The following NLGN1 variants were observed in gnomAD, a reference collection of about 807,000 sequenced individuals.
NLGN1 encodes neuroligin 1.
Under a neutral mutation model 65.5 loss-of-function variants are expected in NLGN1, and 12 were observed. The ratio of observed to expected loss-of-function variants is 0.18; its 90% CI spans 0.12 to 0.30. The LOEUF (loss-of-function observed/expected upper bound fraction) is 0.30. Among genes scored for constraint, NLGN1 ranks in the 10% least tolerant of loss-of-function variants. The probability of loss-of-function intolerance (pLI) is 1.00; values close to 1 mark genes in which losing one functional copy is unlikely to be tolerated. For synonymous variants in NLGN1, 350 were observed against 359.5 expected (o/e 0.97, Z 0.30); for missense variants, 750 against 1,007.1 (o/e 0.74, Z 3.46).
intron 4 of NLGN1, among the ~76,000 whole-genome samples, chr3:174,047,843 CAA>C (rs1733965481): frequency 1.3e-5 from 2 of 149,840 alleles, no homozygotes; most frequent in South Asian, 4.2e-4. Flanking sequence ...ATTTTTAAGA[CAA>C]AGTTAATGGA....
At chr3:173,878,686 G>GTA (rs1732642577) in intron 4 of NLGN1, among the ~76,000 whole-genome samples, 1 of 150,054 alleles carries the variant, frequency 6.7e-6, no homozygotes, top group South Asian at 2.1e-4. Flanking sequence ...ATAAGTGTGT[G>GTA]TATATATATA....
intron 3 of NLGN1, among the ~76,000 whole-genome samples, chr3:173,712,218 A>C (rs1769105031): frequency 6.6e-6 from 1 of 152,106 alleles, no homozygotes; most frequent in African/African-American, 2.4e-5. Context: ...TGTAATTATT[A>C]CACTAACTCA....
At chr3:173,431,120 A>C (rs1246723806) in intron 1 of NLGN1, among the ~76,000 whole-genome samples, 3 of 152,110 alleles carry the variant, frequency 2.0e-5, no homozygotes, top group Non-Finnish European at 4.4e-5. Flanking sequence ...TTCATGCTAA[A>C]ACTTTCCCTA....
chr3:174,110,429 G>C (rs914783701), intron 4 of NLGN1, among the ~76,000 whole-genome samples: 8 of 151,842 alleles, frequency 5.3e-5, no homozygotes, highest in Non-Finnish European at 1.0e-4. Context: ...TTTTTGCCTG[G>C]ATCCGACATC....
intron 2 of NLGN1, chr3:173,584,947 A>G (rs1452849410): frequency 6.6e-6 from 1 of 152,104 alleles, no homozygotes; most frequent in African/African-American, 2.4e-5. Flanking sequence ...TTTGACGGCG[A>G]AGTGTTGTAG....
At chr3:173,841,983 A>G (rs1724864212) in intron 4 of NLGN1, among the ~76,000 whole-genome samples, 1 of 152,140 alleles carries the variant, frequency 6.6e-6, no homozygotes. Context: ...ATAAATACAT[A>G]CCCAAGACTG....
intron 4 of NLGN1, among the ~76,000 whole-genome samples, chr3:173,952,578 A>G (rs567809814): frequency 2.0e-5 from 3 of 152,250 alleles, no homozygotes; most frequent in African/African-American, 7.2e-5. Context: ...TGGTTATTTC[A>G]TCTACGAAGC....
In NLGN1 at chr3:174,038,340, G is replaced by A. The variant is rs528925228; in HGVS notation, c.646+230508G>A. On this transcript the variant is annotated intron_variant, in intron 4 of 6. Coordinates refer to ENST00000457714, the Ensembl canonical transcript of NLGN1. ...TCTATCGAGTGTACTAGGCTGATTCGATGAGGTGTCAGTCATTCCATCTCT... is the reference window on the plus strand; with the variant it reads ...TCTATCGAGTGTACTAGGCTGATTCAATGAGGTGTCAGTCATTCCATCTCT... Among the ~76,000 whole-genome samples, 57 of 152,258 alleles carry A rather than the reference G, an allele frequency of 3.7e-4. 1 individual carries two copies. In the South Asian group the frequency reaches 0.011, roughly 28 times the overall value.
At chr3:174,153,576 A>G (rs898173255) in intron 4 of NLGN1, among the ~76,000 whole-genome samples, 3 of 152,286 alleles carry the variant, frequency 2.0e-5, no homozygotes, top group East Asian at 3.9e-4. Flanking sequence ...AAAACAGGAA[A>G]CATCTTTGAA....
intron 3 of NLGN1, among the ~76,000 whole-genome samples, chr3:173,700,453 C>G (rs957247065): frequency 6.6e-6 from 1 of 152,158 alleles, no homozygotes. Flanking sequence ...CAGGCAGAAA[C>G]AAATAAATTC....
chr3:174,072,970 A>C, intron 4 of NLGN1, among the ~76,000 whole-genome samples: 1 of 152,304 alleles, frequency 6.6e-6, no homozygotes, highest in African/African-American at 2.4e-5. Flanking sequence ...CTGATTAATA[A>C]ATTAAATGAC....
Position 174,144,812 on chromosome 3 carries a change from CAGAT to C in NLGN1, c.647-130502_647-130499del, listed in dbSNP as rs1722912762. ...TAGATTCTGGATATTAGCCCTTTGTCAGATGGATAGATTGCAAAAATTTTCTCAC... is the reference window on the plus strand; with the variant it reads ...TAGATTCTGGATATTAGCCCTTTGTCGGATAGATTGCAAAAATTTTCTCAC... On this transcript the variant is annotated intron_variant, in intron 4 of 6. Coordinates refer to ENST00000457714, the Ensembl canonical transcript of NLGN1. Among the ~76,000 whole-genome samples the C allele has an allele frequency of 2.6e-5, 4 of 152,274 alleles. No individual in the cohort carries two copies. In the South Asian group the frequency reaches 8.3e-4, roughly 32 times the overall value.
intron 4 of NLGN1, among the ~76,000 whole-genome samples, chr3:173,898,519 C>T (rs1736732468): frequency 6.6e-6 from 1 of 152,130 alleles, no homozygotes. Context: ...ATCCCAGAGA[C>T]CTGGTATTAA....
chr3:173,548,529 A>G (rs1474929128), intron 2 of NLGN1, among the ~76,000 whole-genome samples: 5 of 151,342 alleles, frequency 3.3e-5, no homozygotes, highest in Non-Finnish European at 7.4e-5. Flanking sequence ...TAGTGGTTAT[A>G]GAAGCAGTGT....
chr3:173,997,355 T>C (rs952486742), intron 4 of NLGN1, among the ~76,000 whole-genome samples: 3 of 152,110 alleles, frequency 2.0e-5, no homozygotes, highest in African/African-American at 7.2e-5. Flanking sequence ...TATTAATTGA[T>C]CCATATTAAT....
chr3:174,103,988 A>G (rs1429097135), intron 4 of NLGN1, among the ~76,000 whole-genome samples: 2 of 152,110 alleles, frequency 1.3e-5, no homozygotes, highest in African/African-American at 4.8e-5. Flanking sequence ...AAAGCAGAAA[A>G]ATAGAACACC....
chr3:174,260,439 C>T (rs1248546337), intron 4 of NLGN1, among the ~76,000 whole-genome samples: 25 of 151,064 alleles, frequency 1.7e-4, no homozygotes, highest in East Asian at 3.9e-4. Context: ...TGGCCAGTGA[C>T]GATGAGCATT....
chr3:173,497,747 TTAGAAAAAAAA>T (rs1264219579), intron 2 of NLGN1, among the ~76,000 whole-genome samples: 1 of 150,952 alleles, frequency 6.6e-6, no homozygotes, highest in East Asian at 1.9e-4. Flanking sequence ...AACATTTGCA[TTAGAAAAAAAA>T]TCAATATTCA....
rs567370682 is a variant in NLGN1, at chr3:173,496,114, C to A, written c.-321+61036C>A. ...TTGGATTTTCCTGTCTCCCTGCCTT[C>A]TTTTATGTTTCTCCTTAACAAGATT... On this transcript the variant is annotated intron_variant, in intron 2 of 6. Coordinates refer to ENST00000457714, the Ensembl canonical transcript of NLGN1. 4.6e-4 allele frequency among the ~76,000 whole-genome samples: 70 copies of A among 151,824 alleles called. 2 individuals carry two copies. The highest frequency in any genetic ancestry group is 1.6e-3 in the African/African-American group (64 of 41,236).
Sources: allele counts gnomAD v4.1 joint callset (sites outside exome capture counted in the v4.1 genomes callset), GRCh38; gene constraint gnomAD v4.1.1; transcripts MANE v1.5; gene names NCBI Gene and HGNC (gene_info 2026-07-23, HGNC 2026-07-21).